The following UFD1 variants were observed in gnomAD, a reference collection of about 807,000 sequenced individuals.
UFD1 encodes ubiquitin recognition factor in ER associated degradation 1, also known as ubiquitin recognition factor in ER-associated degradation protein 1.
UFD1 carries 13 observed loss-of-function variants against 45.9 expected under a neutral mutation model. The observed-to-expected ratio is 0.28, with a 90% confidence interval of 0.18 to 0.45. The LOEUF (loss-of-function observed/expected upper bound fraction) is 0.45, where lower values mean the gene tolerates loss of function less well. UFD1 is among the 20% of genes least tolerant of loss of function. The pLI, the probability that UFD1 is intolerant of heterozygous loss-of-function variation, is 1.00. For missense variants in UFD1, 218 were observed against 389.2 expected, an observed-to-expected ratio of 0.56 and a Z score of 3.70; for synonymous variants, 128 against 139.2, an observed-to-expected ratio of 0.92 and a Z score of 0.56.
intron 7 of UFD1, 39 bp from the exon 8 acceptor site, chr22:19,456,957 T>C (rs2089728176): frequency 7.3e-7 from 1 of 1,371,362 alleles, no homozygotes; most frequent in Non-Finnish European, 1.0e-6. Context: ...TATTGAGACA[T>C]GACCACCCTT....
intron 1 of UFD1, 108 bp downstream of exon 1, chr22:19,478,975 G>C (rs960228326): frequency 6.9e-7 from 1 of 1,450,362 alleles, no homozygotes; most frequent in South Asian, 1.3e-5. Flanking sequence ...ACTCAGGCCC[G>C]GGTGACTCGG....
At position 19,454,844 on chromosome 22, in the gene UFD1, C is replaced by G. The variant is rs536261331; in HGVS notation, c.768-14G>C. 1.9e-6 allele frequency: 3 copies of G among 1,607,600 alleles called. No individual in the cohort carries two copies. The highest frequency in any genetic ancestry group is 1.7e-5 in the Admixed American group (1 of 58,700). Reference sequence around the variant, plus strand: ...TTGGGAATTCCTCTGTAAGAAGAGACAGAGACAGAGAAATGTTATTTCCAG... The same window carrying G: ...TTGGGAATTCCTCTGTAAGAAGAGAGAGAGACAGAGAAATGTTATTTCCAG... On this transcript the variant is annotated splice_polypyrimidine_tract_variant and intron_variant, in intron 10 of 11. Transcript: ENST00000263202.
At chr22:19,464,625 C>G (rs1028571103) in intron 6 of UFD1, among the ~76,000 whole-genome samples, 1 of 152,234 alleles carries the variant, frequency 6.6e-6, no homozygotes, top group Non-Finnish European at 1.5e-5. Context: ...ACCTGAGAGA[C>G]TTGTGTCAGA....
In UFD1 at chr22:19,450,410, G is replaced by T; in HGVS notation, c.*260C>A. 4 of 433,514 alleles carry T rather than the reference G, an allele frequency of 9.2e-6. No individual in the cohort carries two copies. Among genetic ancestry groups the T allele is most frequent in the Non-Finnish European group, 1.7e-5 (4 of 239,362 alleles). 26.9% of individuals were successfully genotyped at this position (433,514 alleles called of 1,614,324 possible). A position where few individuals can be genotyped will look rare whatever the true frequency, so the allele number is the denominator to read the frequency against. Reference sequence around the variant, plus strand: ...AGGCAGTGGGAGCTCCCCTCAAGCTGAAAGCGTGAAGAGGTGAGGAGGCAG... The same window carrying T: ...AGGCAGTGGGAGCTCCCCTCAAGCTTAAAGCGTGAAGAGGTGAGGAGGCAG... On this transcript the variant is annotated 3_prime_UTR_variant, in exon 12 of 12. Transcript: ENST00000263202.
At chr22:19,457,991 T>C in intron 7 of UFD1, 80 bp downstream of exon 7, 1 of 1,497,282 alleles carries the variant, frequency 6.7e-7, no homozygotes, top group Admixed American at 1.7e-5. Flanking sequence ...GATGCCCTCC[T>C]GACACCCTGG....
At chr22:19,478,291 A>C (rs1281635328) in intron 1 of UFD1, among the ~76,000 whole-genome samples, 3 of 152,196 alleles carry the variant, frequency 2.0e-5, no homozygotes, top group Non-Finnish European at 4.4e-5. Context: ...ACAGTGACAC[A>C]CTTGGGATAA....
intron 4 of UFD1, among the ~76,000 whole-genome samples, chr22:19,468,574 CAA>C (rs2089820935): frequency 6.6e-6 from 1 of 152,190 alleles, no homozygotes; most frequent in South Asian, 2.1e-4. Flanking sequence ...AAGAGATAAA[CAA>C]TGCCCATGAG....
At chr22:19,476,447 A>G (rs1326154947) in intron 1 of UFD1, among the ~76,000 whole-genome samples, 1 of 152,186 alleles carries the variant, frequency 6.6e-6, no homozygotes, top group African/African-American at 2.4e-5. Context: ...TTCTTACAGC[A>G]ACAAGCAAAG....
At chr22:19,476,363 G>A (rs2089881108) in intron 1 of UFD1, among the ~76,000 whole-genome samples, 1 of 152,124 alleles carries the variant, frequency 6.6e-6, no homozygotes, top group Non-Finnish European at 1.5e-5. Flanking sequence ...GCTCTGCTGA[G>A]GGTCAGGTCT....
intron 5 of UFD1, 186 bp downstream of exon 5, chr22:19,467,687 C>T: frequency 1.0e-6 from 1 of 975,638 alleles, no homozygotes; most frequent in Middle Eastern, 3.4e-4. Context: ...GCCCAGACAG[C>T]ACCCAGTGCA....
At position 19,456,877 on chromosome 22, in the gene UFD1, T is replaced by G. The variant is rs1214218394; in HGVS notation, c.606A>C (p.Arg202Ser). 6.2e-7 allele frequency: 1 copy of G among 1,611,802 alleles called. No individual in the cohort carries two copies. The highest frequency in any genetic ancestry group is 1.1e-5 in the South Asian group (1 of 90,706). Residue 202 changes from arginine to serine, a missense_variant, in exon 8 of 12, where the codon AGA becomes AGC. By Grantham distance (110) the Arg-to-Ser change is moderately radical (BLOSUM62 -1). Coordinates refer to ENST00000263202, the MANE Select transcript of UFD1 (RefSeq NM_005659.7). ...CTGTCGACTCCTCATGCTGGACTTG[T>G]CTTTCGGGTTCTTTGTAGCCCAGGG... ...DAPLGYKEPE[R>S]QVQHEESTEG...
At chr22:19,476,698 C>T (rs575997834) in intron 1 of UFD1, among the ~76,000 whole-genome samples, 17 of 151,824 alleles carry the variant, frequency 1.1e-4, no homozygotes, top group Non-Finnish European at 2.2e-4. Context: ...TTTTCTTATA[C>T]ATATCTACAA....
chr22:19,477,240 C>T (rs2089889270), intron 1 of UFD1, among the ~76,000 whole-genome samples: 1 of 151,918 alleles, frequency 6.6e-6, no homozygotes, highest in South Asian at 2.1e-4. Context: ...TTTTGTACAC[C>T]CCGTATTCAT....
In UFD1 at chr22:19,478,929, C is replaced by T. The variant is rs371489302; in HGVS notation, c.3+154G>A. The T allele has an allele frequency of 8.7e-5, 92 of 1,051,594 alleles. No homozygotes were observed. In the South Asian group the frequency reaches 1.5e-3, roughly 17 times the overall value. The allele number at this position is 1,051,594 out of a possible 1,614,324, so 65.1% of individuals were successfully genotyped here. On this transcript the variant is annotated intron_variant, in intron 1 of 11. Transcript: ENST00000263202. ...AGGCGGTTAGTGGTCAAGGGTCCTG[C>T]TTGTGCCCGGTGCGGCCGATGAGCC...
At position 19,475,612 on chromosome 22, in the gene UFD1, G is replaced by A. The variant is rs886682102; in HGVS notation, c.4-10C>T. ...ACATGTTGAAAGAGAACTAGAAGGAGGAAAGAGAAACAAGTATTAAAACAA... is the reference window on the plus strand; with the variant it reads ...ACATGTTGAAAGAGAACTAGAAGGAAGAAAGAGAAACAAGTATTAAAACAA... On this transcript the variant is annotated splice_polypyrimidine_tract_variant and intron_variant, in intron 1 of 11. Transcript: ENST00000263202. 2.5e-6 allele frequency: 4 copies of A among 1,613,552 alleles called. No homozygotes were observed. Among genetic ancestry groups the A allele is most frequent in the Non-Finnish European group, 3.4e-6 (4 of 1,179,800 alleles).
chr22:19,453,666 C>A (rs1288987096), intron 11 of UFD1: 8 of 985,380 alleles, frequency 8.1e-6, no homozygotes, highest in Non-Finnish European at 9.6e-6. Context: ...TGAAAGGTCC[C>A]AATGCCCAAT....
chr22:19,465,265 G>A lies in UFD1; in HGVS notation c.432C>T (p.Asn144=), dbSNP rs148412221. The A allele has an allele frequency of 5.8e-5, 93 of 1,613,942 alleles. No homozygotes were observed. Among genetic ancestry groups the A allele is most frequent in the Middle Eastern group, 3.3e-4 (2 of 6,084 alleles). Residue 144 remains asparagine (N), a synonymous_variant, in exon 6 of 12, where the codon AAC becomes AAT. Coordinates refer to ENST00000263202, the MANE Select transcript of UFD1 (RefSeq NM_005659.7). The stretch of plus-strand genomic sequence containing the variant: ...TCAGACAGGCAAAGTTCCTAAGTGC[G>A]TTTTCTAATCTGCAGACACATTCTG... The part of the protein sequence containing the change: ...DITNPKAVLE[N]ALRNFACLTT...
Position 19,479,189 on chromosome 22 carries a change from G to A in UFD1, c.-104C>T, listed in dbSNP as rs188938675. The A allele has an allele frequency of 8.9e-6, 14 of 1,575,150 alleles. No individual in the cohort carries two copies. Among genetic ancestry groups the A allele is most frequent in the Admixed American group, 5.6e-5 (3 of 53,842 alleles). ...GCTGCCGCTGCCGCCGCGCCAAGCC[G>A]GTACGCCCCAGAGGCTCACCGGAAG... On this transcript the variant is annotated 5_prime_UTR_variant, in exon 1 of 12. Transcript: ENST00000263202.
chr22:19,460,087 T>C (rs559498669), intron 6 of UFD1, among the ~76,000 whole-genome samples: 2 of 151,932 alleles, frequency 1.3e-5, no homozygotes, highest in East Asian at 3.9e-4. Context: ...AGTCCCACCA[T>C]TTAAAAAAAA....
Sources: allele counts gnomAD v4.1 joint callset (sites outside exome capture counted in the v4.1 genomes callset), GRCh38; gene constraint gnomAD v4.1.1; transcripts MANE v1.5; gene names NCBI Gene and HGNC (gene_info 2026-07-23, HGNC 2026-07-21).